The following RPS3 variants were observed in gnomAD, a reference collection of about 807,000 sequenced individuals.
RPS3 encodes small ribosomal subunit protein uS3.
In RPS3, 2 loss-of-function variants were observed where a neutral mutation model predicts 25.8. The observed-to-expected ratio is 0.08, with a 90% CI of 0.03 to 0.24. The LOEUF (loss-of-function observed/expected upper bound fraction) is 0.24. RPS3 is among the 10% of genes least tolerant of loss of function. The pLI is 1.00. For synonymous variants in RPS3, 114 were observed against 114.2 expected, an observed-to-expected ratio of 1.00 and a Z score of 0.01; for missense variants, 107 against 307.1, an observed-to-expected ratio of 0.35 and a Z score of 4.87.
chr11:75,406,878 G>A lies in RPS3; in HGVS notation c.*1268G>A, dbSNP rs942529293. 3 of 152,132 alleles carry A rather than the reference G, an allele frequency of 2.0e-5. No individual in the cohort carries two copies. Among genetic ancestry groups the A allele is most frequent in the Admixed American group, 6.5e-5 (1 of 15,274 alleles). The allele number at this position is 152,132 out of a possible 1,614,324, so 9.4% of individuals were successfully genotyped here. ...AACAGCTATGTAGCATGTACATTAG[G>A]TATTAAAAGTAATCCAGTGAAGATT... is the stretch of plus-strand genomic sequence containing the variant. On this transcript the variant is annotated 3_prime_UTR_variant, in exon 7 of 7. Coordinates refer to ENST00000531188, the MANE Select transcript of RPS3 (RefSeq NM_001005.5).
intron 2 of RPS3, among the ~76,000 whole-genome samples, chr11:75,401,305 A>G (rs1290850130): frequency 2.0e-5 from 3 of 152,212 alleles, no homozygotes; most frequent in Non-Finnish European, 4.4e-5. Context: ...CAGGAATTCA[A>G]GATCAGCCGG....
chr11:75,409,813 G>T (rs1169934633), downstream of RPS3, among the ~76,000 whole-genome samples: 1 of 138,864 alleles, frequency 7.2e-6, no homozygotes, highest in Non-Finnish European at 1.5e-5. Context: ...CTGGGCGGGG[G>T]GCTGACCCCC....
At chr11:75,413,191 C>T (rs773473139) in intron 6 of RPS3, among the ~76,000 whole-genome samples, 1 of 152,086 alleles carries the variant, frequency 6.6e-6, no homozygotes, top group Non-Finnish European at 1.5e-5. Flanking sequence ...TCACCCTTTG[C>T]AGAGGCGCTC....
At chr11:75,416,456 T>G (rs1948399464) in intron 6 of RPS3, among the ~76,000 whole-genome samples, 1 of 118,458 alleles carries the variant, frequency 8.4e-6, no homozygotes, top group Non-Finnish European at 1.8e-5. Flanking sequence ...TCTTGATTAT[T>G]TCTATTTTTT....
intron 6 of RPS3, among the ~76,000 whole-genome samples, chr11:75,418,996 T>A (rs887932319): frequency 1.3e-5 from 2 of 152,084 alleles, no homozygotes; most frequent in African/African-American, 4.8e-5. Flanking sequence ...GAGCTGGCCT[T>A]TAATTAAGGA....
Position 75,404,326 on chromosome 11 carries a change from G to T in RPS3, c.538+119G>T. The T allele has an allele frequency of 1.1e-6, 1 of 952,294 alleles. No homozygotes were observed. The highest frequency in any genetic ancestry group is 1.7e-6 in the Non-Finnish European group (1 of 598,582). 59.0% of individuals were successfully genotyped at this position (952,294 alleles called of 1,614,324 possible). A position where few individuals can be genotyped will look rare whatever the true frequency, so the allele number is the denominator to read the frequency against. On this transcript the variant is annotated intron_variant, in intron 5 of 6. Coordinates refer to ENST00000531188, the MANE Select transcript of RPS3 (RefSeq NM_001005.5). The surrounding 1 kb of genome is among the most constrained non-coding windows in gnomAD (Gnocchi z 4.6). The stretch of plus-strand genomic sequence containing the variant: ...TAGCTGGGCATGTTCATATTCCTTG[G>T]TGTATCGATTGCCACGTTGATCTGT...
chr11:75,403,254 C>T (rs1028901811), intron 4 of RPS3: 1 of 152,208 alleles, frequency 6.6e-6, no homozygotes, highest in African/African-American at 2.4e-5. Flanking sequence ...CCCAGACCCA[C>T]CAAATGGGAA....
At chr11:75,403,948 CTTTGT>C in intron 4 of RPS3, 67 bp from the exon 5 acceptor site, 1 of 1,436,444 alleles carries the variant, frequency 7.0e-7, no homozygotes, top group Non-Finnish European at 9.5e-7. Context: ...AAAACCAAGT[CTTTGT>C]TTTGTTTTTT....
rs752468542 is a variant in RPS3, at chr11:75,402,269, A to G, written c.256-83A>G. 1.1e-5 allele frequency: 18 copies of G among 1,587,356 alleles called. No individual in the cohort carries two copies. In the Admixed American group the frequency reaches 1.3e-4, roughly 12 times the overall value. On this transcript the variant is annotated intron_variant, in intron 3 of 6. Transcript: ENST00000531188. Reference sequence around the variant, plus strand: ...GGGCAAGCTTGGTGTAGAAAGTGATACTTGTGTGGCAAATGCCAAATTTTC... The same window carrying G: ...GGGCAAGCTTGGTGTAGAAAGTGATGCTTGTGTGGCAAATGCCAAATTTTC...
intron 2 of RPS3, 138 bp from the exon 3 acceptor site, chr11:75,401,502 T>A: frequency 1.6e-6 from 1 of 635,716 alleles, no homozygotes; most frequent in Non-Finnish European, 2.8e-6. Flanking sequence ...AAAAAAAAGC[T>A]GCGTTTTAAA....
intron 6 of RPS3, among the ~76,000 whole-genome samples, chr11:75,415,018 A>G (rs1948385070): frequency 1.3e-5 from 2 of 152,206 alleles, no homozygotes; most frequent in African/African-American, 4.8e-5. Context: ...AAGAAATTTC[A>G]GCCACAGACC....
At chr11:75,412,037 G>C (rs1026840759) in intron 6 of RPS3, among the ~76,000 whole-genome samples, 3 of 152,194 alleles carry the variant, frequency 2.0e-5, no homozygotes, top group African/African-American at 7.2e-5. Context: ...GACTGCAAAA[G>C]ACTTCCAGTT....
chr11:75,410,480 G>A, downstream of RPS3, among the ~76,000 whole-genome samples: 1 of 151,674 alleles, frequency 6.6e-6, no homozygotes, highest in African/African-American at 2.4e-5. Flanking sequence ...TGGCGGCTGG[G>A]CAGAGACGCT....
chr11:75,402,457 T>G lies in RPS3; in HGVS notation c.350+11T>G. On this transcript the variant is annotated intron_variant, in intron 4 of 6. Coordinates refer to ENST00000531188, the MANE Select transcript of RPS3 (RefSeq NM_001005.5). Reference sequence around the variant, plus strand: ...GCTTGCTGTGCGGAGGTAAGTGTCCTGAGACCTAATGGTCATGACCTTTTG... The same window carrying G: ...GCTTGCTGTGCGGAGGTAAGTGTCCGGAGACCTAATGGTCATGACCTTTTG... The G allele has an allele frequency of 6.2e-7, 1 of 1,600,034 alleles. No homozygotes were observed. The highest frequency in any genetic ancestry group is 2.3e-5 in the East Asian group (1 of 44,414).
chr11:75,410,327 G>A (rs1948339752), downstream of RPS3, among the ~76,000 whole-genome samples: 2 of 151,538 alleles, frequency 1.3e-5, no homozygotes, highest in African/African-American at 4.8e-5. Flanking sequence ...CGGCCGGGCA[G>A]AGGCGCTCCT....
chr11:75,401,488 T>C, intron 2 of RPS3, 152 bp from the exon 3 acceptor site: 1 of 609,426 alleles, frequency 1.6e-6, no homozygotes, highest in South Asian at 2.0e-5. Flanking sequence ...AGACCCTGTC[T>C]CAAAAAAAAA....
intron 6 of RPS3, among the ~76,000 whole-genome samples, chr11:75,416,683 C>T (rs1948402419): frequency 6.6e-6 from 1 of 152,064 alleles, no homozygotes; most frequent in Admixed American, 6.6e-5. Context: ...GTCTTGAACT[C>T]CCAACGTGTG....
intron 6 of RPS3, among the ~76,000 whole-genome samples, chr11:75,414,796 G>A (rs955492591): frequency 1.3e-5 from 2 of 152,134 alleles, no homozygotes; most frequent in African/African-American, 4.8e-5. Context: ...AGACCCAGAG[G>A]GTGAGCCAGT....
At position 75,404,906 on chromosome 11, in the gene RPS3, A is replaced by AG. The variant is rs1401352352; in HGVS notation, c.*3+41dup. 1.4e-6 allele frequency: 2 copies of AG among 1,406,208 alleles called. No individual in the cohort carries two copies. The highest frequency in any genetic ancestry group is 2.9e-5 in the African/African-American group (2 of 69,762). 87.1% of individuals were successfully genotyped at this position (1,406,208 alleles called of 1,614,324 possible). A position where few individuals can be genotyped will look rare whatever the true frequency, so the allele number is the denominator to read the frequency against. ...GGGCAGGGGCCTCTTGGGGCATAAT[A>AG]GGGTCCTTCCGAGTCTTTCTGTTAA... On this transcript the variant is annotated intron_variant, in intron 6 of 6. Transcript: ENST00000531188. This position sits in a 1 kb window ranked among gnomAD's most constrained non-coding sequence, Gnocchi z 4.6.
Sources: allele counts gnomAD v4.1 joint callset (sites outside exome capture counted in the v4.1 genomes callset), GRCh38; gene constraint gnomAD v4.1.1; non-coding constraint Gnocchi (gnomAD v3.1); transcripts MANE v1.5; gene names NCBI Gene and HGNC (gene_info 2026-07-23, HGNC 2026-07-21).